ARFGEF1: variants seen among roughly 807,000 people sequenced by gnomAD.
The protein encoded by ARFGEF1 is ARF guanine nucleotide exchange factor 1.
ARFGEF1 carries 42 observed loss-of-function variants against 231.0 expected under a neutral mutation model. The ratio of observed to expected loss-of-function variants is 0.18; its 90% confidence interval spans 0.14 to 0.24. The LOEUF is 0.24. Among genes scored for constraint, ARFGEF1 ranks in the 10% least tolerant of loss-of-function variants. The pLI, the probability that ARFGEF1 is intolerant of heterozygous loss-of-function variation, is 1.00. For synonymous variants in ARFGEF1, 710 were observed against 732.3 expected (o/e 0.97, Z 0.49); for missense variants, 1,345 against 2,192.0 (o/e 0.61, Z 7.72).
chr8:67,292,786 T>C lies in ARFGEF1; in HGVS notation c.640-663A>G, dbSNP rs1049257748. ...TTAACTGGGATCACAAGATTTCATT[T>C]TTTAGCACTTTATTGCTTTCACACA... On this transcript the variant is annotated intron_variant, in intron 5 of 38. Transcript: ENST00000262215. 2.6e-5 allele frequency among the ~76,000 whole-genome samples: 4 copies of C among 152,260 alleles called. No homozygotes were observed. The South Asian group carries it at 6.2e-4, about 24-fold the overall frequency.
At chr8:67,334,207 C>CATT (rs1808237413) in intron 1 of ARFGEF1, among the ~76,000 whole-genome samples, 1 of 124,620 alleles carries the variant, frequency 8.0e-6, no homozygotes, top group Admixed American at 8.4e-5. Flanking sequence ...GGATGTGAAA[C>CATT]ATTAGTAAAT....
At chr8:67,273,531 A>G (rs148281627) in intron 9 of ARFGEF1, among the ~76,000 whole-genome samples, 13 of 150,784 alleles carry the variant, frequency 8.6e-5, no homozygotes, top group South Asian at 4.2e-4. Flanking sequence ...TTTTATGGTT[A>G]TAAGTGTCAA....
chr8:67,223,015 G>A (rs1839253336), intron 29 of ARFGEF1, among the ~76,000 whole-genome samples: 1 of 152,228 alleles, frequency 6.6e-6, no homozygotes, highest in Non-Finnish European at 1.5e-5. Flanking sequence ...TACATGCTAT[G>A]ATGTTCACAC....
intron 1 of ARFGEF1, among the ~76,000 whole-genome samples, chr8:67,308,784 T>C (rs1298100952): frequency 1.3e-5 from 2 of 152,180 alleles, no homozygotes; most frequent in Non-Finnish European, 2.9e-5. Context: ...ATTATTTTAA[T>C]GGACACATAT....
intron 17 of ARFGEF1, 29 bp downstream of exon 17, chr8:67,257,703 T>C (rs777542649): frequency 2.7e-6 from 4 of 1,495,734 alleles, no homozygotes; most frequent in Admixed American, 3.8e-5. Context: ...GTACCGCTTA[T>C]TGTAAAACTG....
chr8:67,252,283 A>G (rs1840311987), intron 18 of ARFGEF1, among the ~76,000 whole-genome samples: 1 of 85,844 alleles, frequency 1.2e-5, no homozygotes, highest in Admixed American at 1.2e-4. Flanking sequence ...ACTCCATCTC[A>G]AAAAAAAAAA....
intron 19 of ARFGEF1, among the ~76,000 whole-genome samples, chr8:67,245,682 GGAAA>G (rs1587126302): frequency 6.7e-6 from 1 of 149,544 alleles, no homozygotes; most frequent in Non-Finnish European, 1.5e-5. Context: ...CAGGAAAGAA[GGAAA>G]GAAAGAAGAA....
chr8:67,288,004 T>C lies in ARFGEF1; in HGVS notation c.978A>G (p.Gln326=). 1 of 1,609,212 alleles carries C rather than the reference T, an allele frequency of 6.2e-7. No homozygotes were observed. The highest frequency in any genetic ancestry group is 8.5e-7 in the Non-Finnish European group (1 of 1,178,532). The change falls in exon 7 of 39, where the codon CAA becomes CAG. Residue 326 remains glutamine, a synonymous_variant. Transcript: ENST00000262215. The stretch of plus-strand genomic sequence containing the variant: ...CTTCTACAATGTTCTGTACAATGTC[T>C]TGTGGCTTTTCCTCACAATCATGGT... The part of the protein sequence containing the change: ...GENHDCEEKP[Q]DIVQNIVEEM...
At chr8:67,204,973 G>T in intron 34 of ARFGEF1, 154 bp from the exon 35 acceptor site, 1 of 859,236 alleles carries the variant, frequency 1.2e-6, no homozygotes, top group Non-Finnish European at 1.7e-6. Context: ...GCACTACTCA[G>T]TAAAAGTTTA....
intron 1 of ARFGEF1, among the ~76,000 whole-genome samples, chr8:67,307,528 G>C (rs953974420): frequency 6.6e-6 from 1 of 152,128 alleles, no homozygotes; most frequent in Admixed American, 6.5e-5. Context: ...GGAAGAAAAG[G>C]GGTTTTGGCT....
chr8:67,206,779 A>AG (rs1279736695), intron 34 of ARFGEF1, among the ~76,000 whole-genome samples: 2 of 152,382 alleles, frequency 1.3e-5, no homozygotes, highest in Non-Finnish European at 1.5e-5. Flanking sequence ...GCTTTCCAGG[A>AG]GGCAGACAAC....
chr8:67,239,934 A>G (rs1490158501), intron 20 of ARFGEF1, among the ~76,000 whole-genome samples: 1 of 152,186 alleles, frequency 6.6e-6, no homozygotes, highest in East Asian at 1.9e-4. Context: ...AATAGAGAAA[A>G]AAAACTGTAA....
At chr8:67,295,957 GT>G (rs1477887166) in intron 5 of ARFGEF1, among the ~76,000 whole-genome samples, 1 of 152,124 alleles carries the variant, frequency 6.6e-6, no homozygotes, top group African/African-American at 2.4e-5. Context: ...CAATTCTCTA[GT>G]TGCTGATCTC....
intron 34 of ARFGEF1, among the ~76,000 whole-genome samples, chr8:67,205,072 G>GT (rs1260037889): frequency 2.0e-5 from 3 of 152,188 alleles, no homozygotes; most frequent in Non-Finnish European, 4.4e-5. Context: ...CCCACAGCCT[G>GT]TATGTGGCCC....
At chr8:67,317,243 C>T (rs12548543) in intron 1 of ARFGEF1, among the ~76,000 whole-genome samples, 1 of 152,130 alleles carries the variant, frequency 6.6e-6, no homozygotes, top group East Asian at 1.9e-4. Flanking sequence ...TAGCACTTTC[C>T]TGAGTTCTGT....
intron 5 of ARFGEF1, among the ~76,000 whole-genome samples, chr8:67,186,992 T>C (rs1336294611): frequency 6.6e-6 from 1 of 151,638 alleles, no homozygotes; most frequent in Non-Finnish European, 1.5e-5. Context: ...TATCTATCTA[T>C]CTATCTATCT....
chr8:67,203,245 C>T lies in ARFGEF1; in HGVS notation c.4966G>A (p.Ala1656Thr). The T allele has an allele frequency of 1.2e-6, 2 of 1,613,548 alleles. No homozygotes were observed. The highest frequency in any genetic ancestry group is 1.7e-6 in the Non-Finnish European group (2 of 1,179,766). ...AENLAAAQRD[A>T]VDFDVRVDTQ... ...TCAACGCGAACATCAAAGTCCACCG[C>T]ATCTCTCTTTGGAAAACAAACCACC... Residue 1656 changes from alanine (A) to threonine (T), a missense_variant, in exon 36 of 39, where the codon GCG becomes ACG. By Grantham distance (58) the Ala-to-Thr change is moderately conservative (BLOSUM62 0). Transcript: ENST00000262215.
chr8:67,225,077 C>T, intron 28 of ARFGEF1, 44 bp from the exon 29 acceptor site: 4 of 1,514,770 alleles, frequency 2.6e-6, no homozygotes, highest in Non-Finnish European at 3.5e-6. Flanking sequence ...AACATAACAC[C>T]CATACATTCA....
intron 33 of ARFGEF1, among the ~76,000 whole-genome samples, chr8:67,212,377 C>G (rs1449070025): frequency 6.6e-6 from 1 of 152,186 alleles, no homozygotes; most frequent in Non-Finnish European, 1.5e-5. Context: ...GCCACCACGC[C>G]CAGCCACAGG....
Sources: allele counts gnomAD v4.1 joint callset (sites outside exome capture counted in the v4.1 genomes callset), GRCh38; gene constraint gnomAD v4.1.1; transcripts MANE v1.5; gene names NCBI Gene and HGNC (gene_info 2026-07-23, HGNC 2026-07-21).